The following CTCF variants were observed in gnomAD, a reference collection of about 807,000 sequenced individuals.
The protein encoded by CTCF is CCCTC-binding factor.
CTCF carries 7 observed loss-of-function variants against 72.3 expected under a neutral mutation model. That is an observed-to-expected ratio of 0.10 (90% CI 0.06 to 0.18). The LOEUF is 0.18. CTCF is among the 10% of genes least tolerant of loss of function. The probability of loss-of-function intolerance (pLI) is 1.00; values close to 1 mark genes in which losing one functional copy is unlikely to be tolerated. For missense variants in CTCF, 516 were observed against 949.1 expected (o/e 0.54, Z 6.00); for synonymous variants, 374 against 315.8 (o/e 1.18, Z -1.95).
intron 2 of CTCF, among the ~76,000 whole-genome samples, chr16:67,573,188 G>T (rs2051448304): frequency 6.6e-6 from 1 of 151,874 alleles, no homozygotes; most frequent in Admixed American, 6.6e-5. Context: ...GGAGGCGGAG[G>T]TTGCAATGAG....
chr16:67,601,400 G>A (rs557284324), intron 2 of CTCF, among the ~76,000 whole-genome samples: 2 of 150,986 alleles, frequency 1.3e-5, no homozygotes, highest in East Asian at 2.0e-4. Flanking sequence ...GTGCAGTGGC[G>A]TGATCTCGGC....
At chr16:67,567,361 A>G (rs955609483) in intron 1 of CTCF, among the ~76,000 whole-genome samples, 2 of 152,178 alleles carry the variant, frequency 1.3e-5, no homozygotes, top group Non-Finnish European at 2.9e-5. Flanking sequence ...AGAAAATTTC[A>G]TTCCCTTTGA....
At chr16:67,621,625 T>A (rs202216612) in intron 7 of CTCF, 34 bp downstream of exon 7, 78 of 1,511,716 alleles carry the variant, frequency 5.2e-5, no homozygotes, top group Admixed American at 1.7e-4. Flanking sequence ...GTGAAAAAAA[T>A]ATTTTGAAGG....
At chr16:67,610,712 A>T (rs2052050454) in intron 2 of CTCF, 112 bp from the exon 3 acceptor site, 10 of 725,620 alleles carry the variant, frequency 1.4e-5, no homozygotes, top group Non-Finnish European at 2.1e-5. Context: ...TTTAATATTA[A>T]CAACCATTGA....
intron 2 of CTCF, among the ~76,000 whole-genome samples, chr16:67,607,691 A>G (rs2051994892): frequency 6.6e-6 from 1 of 151,884 alleles, no homozygotes; most frequent in Non-Finnish European, 1.5e-5. Flanking sequence ...GTTGGCATTT[A>G]TTGAGTACTT....
chr16:67,610,905 T>TA lies in CTCF; in HGVS notation c.74dup (p.Tyr25Ter). The change falls in exon 3 of 12, where the codon TAC (tyrosine) becomes TAAC (stop). Residue 25 changes from tyrosine to a stop codon, truncating the protein, a stop_gained and frameshift_variant. Transcript: ENST00000264010. LOFTEE classifies it high-confidence loss of function. ...TFIKGKERKT[Y>*]QRRREGGQEE... is the part of the protein sequence containing the mutation. ...TATTAAAGGAAAGGAGAGAAAGACT[T>TA]ACCAGAGACGCCGGGAAGGGGGCCA... is the stretch of plus-strand genomic sequence containing the variant. 1 of 1,530,800 alleles carries TA rather than the reference T, an allele frequency of 6.5e-7. No homozygotes were observed. The highest frequency in any genetic ancestry group is 8.8e-7 in the Non-Finnish European group (1 of 1,139,026). The allele number at this position is 1,530,800 out of a possible 1,614,324, so 94.8% of individuals were successfully genotyped here.
At chr16:67,621,674 C>CCTT in intron 7 of CTCF, 83 bp downstream of exon 7, 1 of 1,015,124 alleles carries the variant, frequency 9.9e-7, no homozygotes, top group Middle Eastern at 2.1e-4. Flanking sequence ...AATAACTTCA[C>CCTT]CTTCTGACTC....
Position 67,573,253 on chromosome 16 carries a change from A to C in CTCF, c.-10+1989A>C, listed in dbSNP as rs570172624. Among the ~76,000 whole-genome samples the C allele has an allele frequency of 1.3e-3, 197 of 151,496 alleles. 1 individual carries two copies. Among genetic ancestry groups the C allele is most frequent in the Non-Finnish European group, 2.4e-3 (166 of 67,846 alleles). ...CAGAGTGAGACTCTGTCTCAAAAAA[A>C]CAACAAAAAAAACCCCAAGAAGACA... On this transcript the variant is annotated intron_variant, in intron 2 of 11. Transcript: ENST00000264010.
At chr16:67,576,091 G>T (rs1440127514) in intron 2 of CTCF, among the ~76,000 whole-genome samples, 3 of 143,512 alleles carry the variant, frequency 2.1e-5, no homozygotes, top group Non-Finnish European at 4.5e-5. Context: ...AGCCCAGGAG[G>T]TTAAGGCTGC....
At chr16:67,616,153 A>G (rs2052128943) in intron 4 of CTCF, 1 of 152,544 alleles carries the variant, frequency 6.6e-6, no homozygotes, top group Admixed American at 6.5e-5. Flanking sequence ...TTTGAAAATC[A>G]TTTGTTTAAA....
intron 7 of CTCF, 97 bp from the exon 8 acceptor site, chr16:67,626,452 CAAAAAA>C (rs373304235): frequency 7.3e-4 from 275 of 376,688 alleles, no homozygotes; most frequent in African/African-American, 3.6e-3. Context: ...GACTCCGTCT[CAAAAAA>C]AAAAAAAAAA....
In CTCF at chr16:67,638,428, A is replaced by G. The variant is rs1001873958; in HGVS notation, c.*556A>G. 1 of 225,208 alleles carries G rather than the reference A, an allele frequency of 4.4e-6. No individual in the cohort carries two copies. Among genetic ancestry groups the G allele is most frequent in the African/African-American group, 2.2e-5 (1 of 44,888 alleles). 14.0% of individuals were successfully genotyped at this position (225,208 alleles called of 1,614,324 possible). A position where few individuals can be genotyped will look rare whatever the true frequency, so the allele number is the denominator to read the frequency against. The stretch of plus-strand genomic sequence containing the variant: ...GTTTCTGGTATGGTCAAGCTTGTAA[A>G]TAACTTTTTTTACATTTTAATCTTT... On this transcript the variant is annotated 3_prime_UTR_variant, in exon 12 of 12. Transcript: ENST00000264010.
intron 2 of CTCF, among the ~76,000 whole-genome samples, chr16:67,608,800 G>A (rs779913004): frequency 2.0e-4 from 31 of 151,344 alleles, no homozygotes; most frequent in Non-Finnish European, 3.8e-4. Context: ...GTACAATGGC[G>A]CAATCTTGGC....
chr16:67,628,316 G>A (rs994119922), intron 8 of CTCF, 54 bp from the exon 9 acceptor site: 24 of 1,555,740 alleles, frequency 1.5e-5, no homozygotes, highest in Non-Finnish European at 2.1e-5. Context: ...GGTGGCAGCT[G>A]GGGCAGTAGC....
intron 2 of CTCF, among the ~76,000 whole-genome samples, chr16:67,600,886 A>C (rs2051877552): frequency 6.6e-6 from 1 of 152,142 alleles, no homozygotes; most frequent in Admixed American, 6.6e-5. Context: ...TATAAACTTC[A>C]TTTTGGTGGC....
chr16:67,628,353 C>T lies in CTCF; in HGVS notation c.1519-17C>T, dbSNP rs1193988664. The T allele has an allele frequency of 1.2e-6, 2 of 1,610,166 alleles. No homozygotes were observed. Among genetic ancestry groups the T allele is most frequent in the East Asian group, 2.2e-5 (1 of 44,768 alleles). ...CCATGAGCAGGCTCTGAGGCCTTTC[C>T]CCCTATGCCGTTTCAGGAGAGGCAC... On this transcript the variant is annotated splice_polypyrimidine_tract_variant and intron_variant, in intron 8 of 11. Coordinates refer to ENST00000264010, the MANE Select transcript of CTCF (RefSeq NM_006565.4).
intron 2 of CTCF, among the ~76,000 whole-genome samples, chr16:67,580,976 G>A (rs1369937385): frequency 2.7e-5 from 4 of 150,516 alleles, no homozygotes; most frequent in South Asian, 2.1e-4. Context: ...TCGCCCACGC[G>A]GGAGTGCAGT....
chr16:67,603,723 G>A (rs2051930309), intron 2 of CTCF, among the ~76,000 whole-genome samples: 1 of 151,746 alleles, frequency 6.6e-6, no homozygotes, highest in African/African-American at 2.4e-5. Flanking sequence ...TACTTGGGAG[G>A]CTGAGGCAGG....
At chr16:67,630,027 C>CA (rs908598626) in intron 10 of CTCF, among the ~76,000 whole-genome samples, 4 of 151,848 alleles carry the variant, frequency 2.6e-5, no homozygotes, top group Non-Finnish European at 5.9e-5. Flanking sequence ...CCGCCCTCCT[C>CA]AGCCTCCCAA....
Sources: allele counts gnomAD v4.1 joint callset (sites outside exome capture counted in the v4.1 genomes callset), GRCh38; gene constraint gnomAD v4.1.1; transcripts MANE v1.5; gene names NCBI Gene and HGNC (gene_info 2026-07-23, HGNC 2026-07-21).